The following LOC400499 variants were observed in gnomAD, a reference collection of about 807,000 sequenced individuals.
chr16:11,476,196 C>T, the LOC400499 span, among the ~76,000 whole-genome samples: 3 of 151,508 alleles, frequency 2.0e-5, no homozygotes, highest in Admixed American at 6.6e-5. Flanking sequence ...GGGGCAGATG[C>T]GAGGAGGGAG....
At chr16:11,419,223 A>G in the LOC400499 span, among the ~76,000 whole-genome samples, 3 of 152,092 alleles carry the variant, frequency 2.0e-5, no homozygotes, top group Non-Finnish European at 4.4e-5. Context: ...CAGTAACCAA[A>G]ACAGCATGGT....
chr16:11,404,825 G>A, the LOC400499 span: 2 of 398,994 alleles, frequency 5.0e-6, no homozygotes, highest in Non-Finnish European at 4.4e-6. Context: ...GAGCTCGCTC[G>A]TATGCGGTCT....
chr16:11,480,622 A>G, the LOC400499 span, among the ~76,000 whole-genome samples: 10 of 152,040 alleles, frequency 6.6e-5, no homozygotes, highest in Non-Finnish European at 1.3e-4. Context: ...TCAAGTGACA[A>G]TAAGAAGAGA....
At chr16:11,476,300 C>T in the LOC400499 span, among the ~76,000 whole-genome samples, 1 of 152,136 alleles carries the variant, frequency 6.6e-6, no homozygotes, top group Admixed American at 6.5e-5. Context: ...AATTGCCCCT[C>T]TCCAAGAGTC....
the LOC400499 span, among the ~76,000 whole-genome samples, chr16:11,405,383 G>A: frequency 6.6e-6 from 1 of 152,180 alleles, no homozygotes; most frequent in African/African-American, 2.4e-5. Context: ...CCCTTAAGGG[G>A]CTCCCAGGGA....
the LOC400499 span, chr16:11,460,520 C>T: frequency 4.0e-5 from 61 of 1,534,168 alleles, no homozygotes; most frequent in East Asian, 2.0e-4. Flanking sequence ...GAGCTCGTGG[C>T]GCAGCTCCAG....
the LOC400499 span, chr16:11,456,975 C>A: frequency 4.6e-5 from 70 of 1,536,088 alleles, no homozygotes; most frequent in African/African-American, 8.5e-4. Context: ...ATAGGGCAGG[C>A]GGAGGCTCAA....
At chr16:11,471,088 G>T in the LOC400499 span, among the ~76,000 whole-genome samples, 12 of 152,170 alleles carry the variant, frequency 7.9e-5, no homozygotes, top group Non-Finnish European at 1.6e-4. Context: ...GAAGCCATAG[G>T]GGGGCAGTCT....
chr16:11,468,162 G>C, the LOC400499 span, among the ~76,000 whole-genome samples: 1 of 152,116 alleles, frequency 6.6e-6, no homozygotes, highest in Admixed American at 6.5e-5. Flanking sequence ...CTGGCCTCCA[G>C]AACTGTGAGA....
chr16:11,396,706 G>A, the LOC400499 span: 1 of 1,231,544 alleles, frequency 8.1e-7, no homozygotes, highest in Non-Finnish European at 1.0e-6. Flanking sequence ...TGTCAGGCAG[G>A]CACAGGGGTG....
chr16:11,395,200 G>A, the LOC400499 span, among the ~76,000 whole-genome samples: 27,590 of 152,150 alleles, frequency 0.18, 2,603 homozygotes, highest in Non-Finnish European at 0.22. Context: ...GCCTGCCTCT[G>A]TGTAGCCTGG....
the LOC400499 span, chr16:11,460,952 G>A: frequency 1.7e-5 from 26 of 1,521,134 alleles, no homozygotes; most frequent in African/African-American, 6.9e-5. Context: ...AACCAGGCAC[G>A]CAGTGCCTTA....
the LOC400499 span, among the ~76,000 whole-genome samples, chr16:11,479,538 G>A: frequency 7.2e-5 from 11 of 151,866 alleles, no homozygotes; most frequent in African/African-American, 2.4e-4. Flanking sequence ...TGGGAGGATC[G>A]CTTGAGCCCA....
the LOC400499 span, among the ~76,000 whole-genome samples, chr16:11,398,005 G>C: frequency 6.6e-6 from 1 of 152,144 alleles, no homozygotes; most frequent in East Asian, 1.9e-4. Flanking sequence ...AAGGGGTTGA[G>C]GAAAAGGAGT....
At chr16:11,383,558 G>A in the LOC400499 span, 6 of 1,201,480 alleles carry the variant, frequency 5.0e-6, no homozygotes, top group Non-Finnish European at 6.2e-6. Context: ...GTCCTCCCTG[G>A]TGAGAGAAAG....
the LOC400499 span, chr16:11,383,625 T>C: frequency 8.1e-6 from 10 of 1,232,156 alleles, no homozygotes; most frequent in East Asian, 3.2e-5. Context: ...GAGTGCTAGA[T>C]GGCTGGGGCA....
the LOC400499 span, among the ~76,000 whole-genome samples, chr16:11,510,625 C>G: frequency 6.6e-6 from 1 of 151,634 alleles, no homozygotes; most frequent in South Asian, 2.1e-4. Context: ...GTGTCAGCCT[C>G]AGGGTGGCAG....
the LOC400499 span, chr16:11,392,560 C>A: frequency 7.5e-6 from 3 of 400,556 alleles, no homozygotes; most frequent in Non-Finnish European, 1.3e-5. Context: ...CCCACTCCCC[C>A]TCCACCGCTT....
chr16:11,503,677 G>A, the LOC400499 span, among the ~76,000 whole-genome samples: 6 of 152,228 alleles, frequency 3.9e-5, no homozygotes, highest in African/African-American at 1.4e-4. Flanking sequence ...GGCCCTCACT[G>A]GTCACTCGGC....
Sources: allele counts gnomAD v4.1 joint callset (sites outside exome capture counted in the v4.1 genomes callset), GRCh38; gene constraint gnomAD v4.1.1; transcripts MANE v1.5.